The following SPATA1 variants were observed in gnomAD, a reference collection of about 807,000 sequenced individuals.
The protein encoded by SPATA1 is spermatogenesis associated 1.
Under a neutral mutation model 59.6 loss-of-function variants are expected in SPATA1, and 57 were observed. That is an observed-to-expected ratio of 0.96 (90% CI 0.77 to 1.19). The LOEUF is 1.19. SPATA1 is among the 50% of genes most tolerant of loss of function. SPATA1 has a pLI of 0.00. For missense variants in SPATA1, 448 were observed against 480.7 expected, an observed-to-expected ratio of 0.93 and a Z score of 0.64; for synonymous variants, 147 against 163.9, an observed-to-expected ratio of 0.90 and a Z score of 0.79.
At chr1:84,514,991 G>T (rs1051233046) in intron 1 of SPATA1, among the ~76,000 whole-genome samples, 3 of 151,948 alleles carry the variant, frequency 2.0e-5, no homozygotes, top group African/African-American at 4.8e-5. Context: ...AAAAAAAATT[G>T]TTCTGAATTA....
chr1:84,518,104 T>TATAGAA (rs1360771636), intron 2 of SPATA1, among the ~76,000 whole-genome samples: 2 of 152,072 alleles, frequency 1.3e-5, no homozygotes, highest in African/African-American at 4.8e-5. Context: ...ATATTCAGAA[T>TATAGAA]GTAGAACATT....
In SPATA1 at chr1:84,520,539, TTCA is replaced by T. The variant is rs761365169; in HGVS notation, c.37-45_37-43del. On this transcript the variant is annotated intron_variant, in intron 2 of 12. Transcript: ENST00000490879. ...TATAGGACATCAATTGATTTTTTTT[TTCA>T]CTTTAAAAATATTTTAACCGATGTT... The T allele has an allele frequency of 7.5e-6, 9 of 1,204,072 alleles. No homozygotes were observed. The East Asian group carries it at 2.5e-4, about 33-fold the overall frequency. The allele number at this position is 1,204,072 out of a possible 1,614,324, so 74.6% of individuals were successfully genotyped here.
At chr1:84,565,081 T>C (rs1216621482) in intron 4 of SPATA1, among the ~76,000 whole-genome samples, 3 of 151,748 alleles carry the variant, frequency 2.0e-5, no homozygotes, top group Admixed American at 2.0e-4. Flanking sequence ...CATGGTGGCA[T>C]GCACCCGTAG....
chr1:84,563,781 C>T (rs183007473), intron 4 of SPATA1: 5 of 1,608,934 alleles, frequency 3.1e-6, no homozygotes, highest in East Asian at 4.5e-5. Flanking sequence ...CCAAGGAACA[C>T]CCATTACAAG....
chr1:84,521,117 AAAAG>A (rs991668021), intron 3 of SPATA1, among the ~76,000 whole-genome samples: 1 of 151,850 alleles, frequency 6.6e-6, no homozygotes, highest in African/African-American at 2.4e-5. Flanking sequence ...CCAAAAACAA[AAAAG>A]AGAGAGAGAA....
chr1:84,543,262 G>A (rs1683973194), intron 8 of SPATA1, among the ~76,000 whole-genome samples: 1 of 152,152 alleles, frequency 6.6e-6, no homozygotes, highest in Non-Finnish European at 1.5e-5. Flanking sequence ...ATTCAAGATC[G>A]ATAAAGTGAT....
chr1:84,561,594 C>T (rs563385127), intron 4 of SPATA1, among the ~76,000 whole-genome samples: 1 of 152,158 alleles, frequency 6.6e-6, no homozygotes, highest in East Asian at 1.9e-4. Context: ...AATAGCATCA[C>T]GTTTTACACA....
At chr1:84,528,326 G>C (rs1349623623) in intron 6 of SPATA1, among the ~76,000 whole-genome samples, 1 of 152,046 alleles carries the variant, frequency 6.6e-6, no homozygotes, top group East Asian at 1.9e-4. Flanking sequence ...TTTATTGCTG[G>C]TAGTAGTACT....
At chr1:84,535,717 T>C (rs894571125) in intron 8 of SPATA1, among the ~76,000 whole-genome samples, 2 of 152,230 alleles carry the variant, frequency 1.3e-5, no homozygotes, top group Non-Finnish European at 2.9e-5. Flanking sequence ...TATCAGGTTT[T>C]TTTTTTGTAG....
intron 1 of SPATA1, among the ~76,000 whole-genome samples, chr1:84,512,710 CA>C (rs1277607422): frequency 1.3e-5 from 2 of 152,194 alleles, no homozygotes; most frequent in Non-Finnish European, 2.9e-5. Flanking sequence ...CATCTACCAA[CA>C]GTTACTCCTT....
intron 3 of SPATA1, among the ~76,000 whole-genome samples, chr1:84,521,177 AAAG>A (rs1387756503): frequency 6.6e-6 from 1 of 151,194 alleles, no homozygotes; most frequent in Non-Finnish European, 1.5e-5. Context: ...GGAAGGAAGG[AAAG>A]AAGAACGGAA....
chr1:84,511,472 A>G (rs1317967416), intron 1 of SPATA1, among the ~76,000 whole-genome samples: 1 of 152,120 alleles, frequency 6.6e-6, no homozygotes, highest in African/African-American at 2.4e-5. Flanking sequence ...CGTGTCTAGA[A>G]AACAAACCTC....
intron 10 of SPATA1, among the ~76,000 whole-genome samples, chr1:84,547,733 A>C (rs1684136523): frequency 6.6e-6 from 1 of 152,226 alleles, no homozygotes; most frequent in African/African-American, 2.4e-5. Flanking sequence ...AGTGCTGCTG[A>C]AACACTACGT....
At chr1:84,555,118 G>A (rs768929698), downstream of SPATA1, 32 of 1,613,702 alleles carry the variant, frequency 2.0e-5, 1 homozygote, top group South Asian at 3.4e-4. Flanking sequence ...CCCCGTAAGC[G>A]ATAGTTTTGT....
At chr1:84,533,592 T>C in intron 7 of SPATA1, 117 bp from the exon 8 acceptor site, 1 of 801,484 alleles carries the variant, frequency 1.2e-6, no homozygotes, top group Non-Finnish European at 2.0e-6. Flanking sequence ...TCAGGCTGAC[T>C]TTGAAAATTT....
intron 1 of SPATA1, among the ~76,000 whole-genome samples, chr1:84,508,711 G>C (rs1682394153): frequency 6.6e-6 from 1 of 152,186 alleles, no homozygotes; most frequent in African/African-American, 2.4e-5. Context: ...TTAACTAAAA[G>C]CTGAATCTCT....
At chr1:84,543,847 TAA>T (rs1683991295) in intron 8 of SPATA1, among the ~76,000 whole-genome samples, 1 of 152,182 alleles carries the variant, frequency 6.6e-6, no homozygotes, top group African/African-American at 2.4e-5. Context: ...TAAGCAAATA[TAA>T]TCAAAATTGA....
intron 1 of SPATA1, among the ~76,000 whole-genome samples, chr1:84,508,372 A>G (rs1682376098): frequency 6.6e-6 from 1 of 152,118 alleles, no homozygotes; most frequent in South Asian, 2.1e-4. Context: ...AACTATCTGT[A>G]TCTCTTAAAC....
intron 8 of SPATA1, 114 bp from the exon 9 acceptor site, chr1:84,544,088 C>G: frequency 2.9e-6 from 2 of 687,866 alleles, no homozygotes; most frequent in Non-Finnish European, 5.0e-6. Flanking sequence ...TGGAGTTCAT[C>G]ACCACTAAGT....
Sources: gnomAD v4.1 joint callset for allele counts (sites outside exome capture counted in the v4.1 genomes callset) on GRCh38, gnomAD v4.1.1 for gene constraint, MANE v1.5 for transcripts, NCBI Gene and HGNC (gene_info 2026-07-23, HGNC 2026-07-21) for gene names.